Variants in STPG2 observed in about 807,000 individuals in gnomAD.
STPG2 encodes sperm-tail PG-rich repeat-containing protein 2.
Under a neutral mutation model 54.2 loss-of-function variants are expected in STPG2, and 56 were observed. The ratio of observed to expected loss-of-function variants is 1.03; its 90% CI spans 0.83 to 1.29. The LOEUF is 1.29. Ranked by LOEUF, STPG2 falls within the 50% of genes most tolerant of loss-of-function variation. The pLI is 0.00. For missense variants in STPG2, 596 were observed against 544.9 expected, an observed-to-expected ratio of 1.09 and a Z score of -0.93; for synonymous variants, 200 against 181.8, an observed-to-expected ratio of 1.10 and a Z score of -0.81.
chr4:97,722,804 T>A (rs2149017361), intron 9 of STPG2, among the ~76,000 whole-genome samples: 1 of 149,546 alleles, frequency 6.7e-6, no homozygotes, highest in South Asian at 2.1e-4. Flanking sequence ...CCAATTTTTT[T>A]TTTTTTTTTT....
At chr4:97,643,998 G>C (rs1721837266) in intron 10 of STPG2, among the ~76,000 whole-genome samples, 1 of 151,770 alleles carries the variant, frequency 6.6e-6, no homozygotes, top group Non-Finnish European at 1.5e-5. Flanking sequence ...CTAATCTCAA[G>C]TATTTTAAAT....
chr4:98,006,776 A>G (rs924019354), intron 5 of STPG2, among the ~76,000 whole-genome samples: 12 of 152,216 alleles, frequency 7.9e-5, no homozygotes, highest in Non-Finnish European at 1.6e-4. Flanking sequence ...GTATGACTCT[A>G]CTGAGCTTCC....
chr4:97,798,620 G>A (rs1242960937), intron 9 of STPG2, among the ~76,000 whole-genome samples: 1 of 143,734 alleles, frequency 7.0e-6, no homozygotes, highest in South Asian at 2.4e-4. Context: ...GTCAATTTTG[G>A]AATAAGTGTG....
intron 5 of STPG2, among the ~76,000 whole-genome samples, chr4:97,989,008 G>A (rs1274986051): frequency 3.9e-5 from 6 of 152,132 alleles, no homozygotes; most frequent in South Asian, 2.1e-4. Context: ...AAAAATTTAC[G>A]AGAAACTAAT....
At chr4:97,802,423 C>T (rs1313304147) in intron 9 of STPG2, among the ~76,000 whole-genome samples, 1 of 152,150 alleles carries the variant, frequency 6.6e-6, no homozygotes, top group East Asian at 1.9e-4. Context: ...AAACATTCCT[C>T]ATTTTCCTTC....
chr4:97,813,408 T>C (rs1727804807), intron 9 of STPG2, among the ~76,000 whole-genome samples: 2 of 151,952 alleles, frequency 1.3e-5, no homozygotes, highest in South Asian at 2.1e-4. Context: ...GAAAGTAACA[T>C]TTATTGAGCA....
chr4:98,030,828 G>T (rs1450521771), intron 5 of STPG2, among the ~76,000 whole-genome samples: 1 of 152,194 alleles, frequency 6.6e-6, no homozygotes, highest in Non-Finnish European at 1.5e-5. Flanking sequence ...TAACTGGCTA[G>T]TCATATGCAG....
At chr4:98,070,500 T>G in intron 5 of STPG2, among the ~76,000 whole-genome samples, 1 of 151,880 alleles carries the variant, frequency 6.6e-6, no homozygotes, top group Non-Finnish European at 1.5e-5. Flanking sequence ...CAGCATAGTA[T>G]TAGAAGTTCT....
intron 4 of STPG2, among the ~76,000 whole-genome samples, chr4:97,534,691 A>AT (rs1490734268): frequency 1.3e-5 from 2 of 152,164 alleles, no homozygotes; most frequent in East Asian, 1.9e-4. Context: ...ATTTTGACAA[A>AT]TGTATGCAGT....
At chr4:97,486,829 G>GTGTATATATATATA (rs1490371230) in intron 4 of STPG2, among the ~76,000 whole-genome samples, 1 of 90,204 alleles carries the variant, frequency 1.1e-5, no homozygotes, top group Admixed American at 1.1e-4. Context: ...GTGTGTGTGT[G>GTGTATATATATATA]TATATATATA....
At chr4:97,930,277 G>A (rs928795253) in intron 8 of STPG2, among the ~76,000 whole-genome samples, 1 of 152,132 alleles carries the variant, frequency 6.6e-6, no homozygotes, top group African/African-American at 2.4e-5. Context: ...GATAGTATTG[G>A]CTAGGTTGTT....
intron 4 of STPG2, among the ~76,000 whole-genome samples, chr4:97,512,584 G>C (rs888048461): frequency 1.3e-5 from 2 of 151,276 alleles, no homozygotes; most frequent in Non-Finnish European, 2.9e-5. Flanking sequence ...GGAGAGAAGA[G>C]GAAAGGGAGG....
intron 7 of STPG2, among the ~76,000 whole-genome samples, chr4:97,945,742 T>C (rs1733190119): frequency 6.6e-6 from 1 of 152,082 alleles, no homozygotes; most frequent in South Asian, 2.1e-4. Flanking sequence ...TGTTTATTGG[T>C]TTTTGTTCGT....
chr4:97,675,011 C>CT (rs890413658), intron 10 of STPG2, among the ~76,000 whole-genome samples: 5 of 151,066 alleles, frequency 3.3e-5, no homozygotes, highest in South Asian at 2.1e-4. Flanking sequence ...TATACATTCT[C>CT]TTTTTTTTTG....
In STPG2 at chr4:97,981,262, T is replaced by C. The variant is rs1734667478; in HGVS notation, c.669A>G (p.Arg223=). 1 of 1,614,066 alleles carries C rather than the reference T, an allele frequency of 6.2e-7. No homozygotes were observed. Among genetic ancestry groups the C allele is most frequent in the Non-Finnish European group, 8.5e-7 (1 of 1,179,968 alleles). Residue 223 remains arginine, a synonymous_variant, in exon 6 of 11, where the codon CGA becomes CGG. Coordinates refer to ENST00000295268, the MANE Select transcript of STPG2 (RefSeq NM_174952.3). ...TTTTCTTCAAAGACTTGAGAGCAGT[T>C]CGAGGTTCATTATATGTGCCAGGAG... The part of the protein sequence containing the change: ...TPAPGTYNEP[R]TALKSLKKTS...
At chr4:97,894,128 T>C (rs112901909) in intron 8 of STPG2, among the ~76,000 whole-genome samples, 3 of 152,116 alleles carry the variant, frequency 2.0e-5, no homozygotes, top group African/African-American at 7.2e-5. Flanking sequence ...TATGTAACTA[T>C]GAAAGATGAA....
At chr4:97,459,650 C>A (rs1477501283) in intron 4 of STPG2, among the ~76,000 whole-genome samples, 1 of 152,000 alleles carries the variant, frequency 6.6e-6, no homozygotes, top group Non-Finnish European at 1.5e-5. Context: ...ACCATGTTAG[C>A]CAGGATGGTC....
intron 9 of STPG2, among the ~76,000 whole-genome samples, chr4:97,760,995 A>T (rs988937412): frequency 6.6e-5 from 10 of 152,292 alleles, no homozygotes; most frequent in Admixed American, 6.5e-5. Flanking sequence ...CTCACAATGC[A>T]TCACTCTGGC....
chr4:97,861,573 T>C (rs1416509165), intron 8 of STPG2, among the ~76,000 whole-genome samples: 1 of 151,988 alleles, frequency 6.6e-6, no homozygotes, highest in Non-Finnish European at 1.5e-5. Context: ...GCAGCACTAG[T>C]CACAATGGCC....
Sources: gnomAD v4.1 joint callset for allele counts (sites outside exome capture counted in the v4.1 genomes callset) on GRCh38, gnomAD v4.1.1 for gene constraint, MANE v1.5 for transcripts, NCBI Gene and HGNC (gene_info 2026-07-23, HGNC 2026-07-21) for gene names.